Variants in STX2 observed in about 807,000 individuals in gnomAD.
STX2 encodes syntaxin-2.
STX2 carries 27 observed loss-of-function variants against 40.6 expected under a neutral mutation model. The ratio of observed to expected loss-of-function variants is 0.66; its 90% confidence interval spans 0.49 to 0.92. STX2 has a LOEUF of 0.92. Ranked by LOEUF, STX2 falls within the 40% of genes least tolerant of loss-of-function variation. The pLI is 0.00. For missense variants in STX2, 328 were observed against 366.1 expected (o/e 0.90, Z 0.85); for synonymous variants, 123 against 119.1 (o/e 1.03, Z -0.22).
At chr12:130,814,130 G>C (rs1951765172) in intron 3 of STX2, among the ~76,000 whole-genome samples, 1 of 152,162 alleles carries the variant, frequency 6.6e-6, no homozygotes, top group African/African-American at 2.4e-5. Context: ...GGGTTTCAGA[G>C]CCAGATCAGA....
chr12:130,801,772 C>T (rs1049682160), intron 6 of STX2, among the ~76,000 whole-genome samples: 4 of 152,086 alleles, frequency 2.6e-5, no homozygotes, highest in African/African-American at 7.2e-5. Flanking sequence ...AACAATGTCT[C>T]GGCACACTGG....
At chr12:130,805,769 T>C (rs900152755) in intron 6 of STX2, among the ~76,000 whole-genome samples, 2 of 152,120 alleles carry the variant, frequency 1.3e-5, no homozygotes, top group African/African-American at 4.8e-5. Flanking sequence ...TTTACAAAAA[T>C]ACTCAAAATA....
intron 1 of STX2, among the ~76,000 whole-genome samples, chr12:130,830,993 T>C (rs1367567843): frequency 5.9e-5 from 9 of 152,224 alleles, no homozygotes; most frequent in Admixed American, 5.2e-4. Flanking sequence ...TCCTTAAAAG[T>C]AGCATTATAG....
chr12:130,829,947 G>C (rs1025919177), intron 1 of STX2, among the ~76,000 whole-genome samples: 1 of 152,180 alleles, frequency 6.6e-6, no homozygotes, highest in Non-Finnish European at 1.5e-5. Context: ...ATGGCTCTCA[G>C]GGCATCTCAC....
In STX2 at chr12:130,830,147, C is replaced by G. The variant is rs145360537; in HGVS notation, c.31-2880G>C. ...TTTCAGGTGGACACCCACCACTTCC[C>G]ACTACTTCCTACCCCCCACACCACA... On this transcript the variant is annotated intron_variant, in intron 1 of 10. Coordinates refer to ENST00000392373, the MANE Select transcript of STX2 (RefSeq NM_194356.4). Among the ~76,000 whole-genome samples, 852 of 152,320 alleles carry G rather than the reference C, an allele frequency of 5.6e-3. 32 individuals are homozygous for G. Among genetic ancestry groups the G allele is most frequent in the Admixed American group, 0.045 (690 of 15,296 alleles).
intron 10 of STX2, among the ~76,000 whole-genome samples, chr12:130,794,505 T>C (rs1452099493): frequency 6.6e-6 from 1 of 152,150 alleles, no homozygotes; most frequent in Non-Finnish European, 1.5e-5. Context: ...AAGATATCAA[T>C]CTCTTGTTTT....
At position 130,808,717 on chromosome 12, in the gene STX2, A is replaced by G. The variant is rs1951534942; in HGVS notation, c.281-13T>C. 1 of 1,598,484 alleles carries G rather than the reference A, an allele frequency of 6.3e-7. No homozygotes were observed. The highest frequency in any genetic ancestry group is 1.1e-5 in the South Asian group (1 of 87,826). On this transcript the variant is annotated splice_polypyrimidine_tract_variant and intron_variant, in intron 4 of 10. Transcript: ENST00000392373. ...CTTTGTTCAATAGCTAGGAACAAATAGGAAATAATTACCTTCCAAATTTAA... is the reference window on the plus strand; with the variant it reads ...CTTTGTTCAATAGCTAGGAACAAATGGGAAATAATTACCTTCCAAATTTAA...
chr12:130,793,001 C>G (rs148144422), intron 10 of STX2, among the ~76,000 whole-genome samples: 1 of 152,180 alleles, frequency 6.6e-6, no homozygotes, highest in Admixed American at 6.5e-5. Context: ...GGAGGCACCG[C>G]GCTGTAGGAC....
At chr12:130,799,671 G>A (rs929004618) in intron 8 of STX2, among the ~76,000 whole-genome samples, 8 of 152,146 alleles carry the variant, frequency 5.3e-5, no homozygotes, top group East Asian at 3.9e-4. Context: ...AACATTAGCC[G>A]GGCGTAGTGG....
At chr12:130,804,302 G>C (rs1951342498) in intron 6 of STX2, among the ~76,000 whole-genome samples, 1 of 152,244 alleles carries the variant, frequency 6.6e-6, no homozygotes. Flanking sequence ...ATTTGGAGAA[G>C]ACCACTGTAT....
rs757967609 is a variant in STX2 at position 130,839,063 on chromosome 12, C to A, written c.30+7G>T. 2.2e-3 allele frequency: 2,985 copies of A among 1,341,960 alleles called. 6 individuals are homozygous for A. Among genetic ancestry groups the A allele is most frequent in the Non-Finnish European group, 2.6e-3 (2,729 of 1,043,788 alleles). 83.1% of individuals were successfully genotyped at this position (1,341,960 alleles called of 1,614,324 possible). A position where few individuals can be genotyped will look rare whatever the true frequency, so the allele number is the denominator to read the frequency against. ...GGCCTGAACCGCTACCCGCGGCTGCCGCTCACCGCCGTCAGGTCTGGCAGC... is the reference window on the plus strand; with the variant it reads ...GGCCTGAACCGCTACCCGCGGCTGCAGCTCACCGCCGTCAGGTCTGGCAGC... On this transcript the variant is annotated splice_region_variant and intron_variant, in intron 1 of 10. Transcript: ENST00000392373.
At chr12:130,803,190 A>G (rs558049611) in intron 6 of STX2, among the ~76,000 whole-genome samples, 1 of 152,284 alleles carries the variant, frequency 6.6e-6, no homozygotes, top group East Asian at 1.9e-4. Flanking sequence ...TTTGGGAGGT[A>G]ATTCTCAATC....
intron 4 of STX2, among the ~76,000 whole-genome samples, chr12:130,809,921 G>A (rs1296732164): frequency 1.3e-5 from 2 of 152,244 alleles, no homozygotes; most frequent in South Asian, 2.1e-4. Flanking sequence ...AGTGCTCGGG[G>A]GATCACTTCA....
rs1375828396 is a variant in STX2, at chr12:130,791,197, G to A, written c.*826C>T. ...ATTAGCACAAACTAGCTGGGAGAGG[G>A]AGGGAAAGGAAGCCTTAGACCTGAG... On this transcript the variant is annotated 3_prime_UTR_variant, in exon 11 of 11. Transcript: ENST00000392373. The A allele has an allele frequency of 6.6e-6, 1 of 152,204 alleles. No individual in the cohort carries two copies. The highest frequency in any genetic ancestry group is 1.5e-5 in the Non-Finnish European group (1 of 68,042). 9.4% of individuals were successfully genotyped at this position (152,204 alleles called of 1,614,324 possible). A position where few individuals can be genotyped will look rare whatever the true frequency, so the allele number is the denominator to read the frequency against.
chr12:130,803,899 TA>T (rs1444282743), intron 6 of STX2, among the ~76,000 whole-genome samples: 1 of 151,966 alleles, frequency 6.6e-6, no homozygotes, highest in Non-Finnish European at 1.5e-5. Context: ...AAATCTGACC[TA>T]AACTGAGTCA....
intron 4 of STX2, among the ~76,000 whole-genome samples, chr12:130,811,769 T>C (rs4759788): frequency 0.57 from 85,908 of 151,918 alleles, 26,566 homozygotes; most frequent in East Asian, 0.87. Flanking sequence ...CTCGATCTCC[T>C]GACCTTGTGA....
chr12:130,802,164 G>A (rs1258659511), intron 6 of STX2, among the ~76,000 whole-genome samples: 1 of 152,168 alleles, frequency 6.6e-6, no homozygotes, highest in East Asian at 1.9e-4. Flanking sequence ...ACTGACATAC[G>A]ACTCAGCCAC....
intron 1 of STX2, among the ~76,000 whole-genome samples, chr12:130,833,327 A>G (rs1952642624): frequency 6.6e-6 from 1 of 151,698 alleles, no homozygotes; most frequent in African/African-American, 2.4e-5. Context: ...GAAGGACCTC[A>G]GTGGCTCGCT....
chr12:130,818,468 C>T (rs1951974953), intron 3 of STX2, among the ~76,000 whole-genome samples: 1 of 151,980 alleles, frequency 6.6e-6, no homozygotes, highest in Admixed American at 6.6e-5. Flanking sequence ...GTGGGAACTG[C>T]CCCGGGAGAG....
Sources: allele counts gnomAD v4.1 joint callset (sites outside exome capture counted in the v4.1 genomes callset), GRCh38; gene constraint gnomAD v4.1.1; transcripts MANE v1.5; gene names NCBI Gene and HGNC (gene_info 2026-07-23, HGNC 2026-07-21).